FAM78B: variants seen among roughly 807,000 people sequenced by gnomAD.
FAM78B encodes protein FAM78B.
FAM78B carries 10 observed loss-of-function variants against 20.0 expected under a neutral mutation model. The observed-to-expected ratio is 0.50, with a 90% CI of 0.31 to 0.85. FAM78B has a LOEUF of 0.85. FAM78B is among the 40% of genes least tolerant of loss of function. The probability of loss-of-function intolerance (pLI) is 0.05; values close to 1 mark genes in which losing one functional copy is unlikely to be tolerated. For synonymous variants in FAM78B, 135 were observed against 132.8 expected (o/e 1.02, Z -0.12); for missense variants, 283 against 345.0 (o/e 0.82, Z 1.42).
intron 2 of FAM78B, among the ~76,000 whole-genome samples, chr1:166,061,265 A>T (rs1241575855): frequency 1.3e-5 from 2 of 152,258 alleles, no homozygotes; most frequent in Non-Finnish European, 2.9e-5. Flanking sequence ...AAAATTAGAA[A>T]AAAGCAGTCT....
intron 1 of FAM78B, among the ~76,000 whole-genome samples, chr1:166,116,502 G>T (rs1180389460): frequency 6.6e-6 from 1 of 152,142 alleles, no homozygotes; most frequent in African/African-American, 2.4e-5. Flanking sequence ...GGTACTTTGG[G>T]GGAGTAAATT....
At chr1:166,140,526 C>T (rs1275070376) in intron 1 of FAM78B, among the ~76,000 whole-genome samples, 3 of 152,160 alleles carry the variant, frequency 2.0e-5, no homozygotes, top group South Asian at 2.1e-4. Flanking sequence ...GCCAGAGCAG[C>T]GAGAAAGGCA....
chr1:166,070,046 G>A lies in FAM78B; in HGVS notation c.*195C>T. ...AAATCAGTGATTTCTTTATTCCTAA[G>A]AGGAAGGGATTTTTCCTAAGGATTA... On this transcript the variant is annotated 3_prime_UTR_variant, in exon 2 of 2. Coordinates refer to ENST00000354422, the MANE Select transcript of FAM78B (RefSeq NM_001017961.5). The A allele has an allele frequency of 7.9e-7, 1 of 1,260,254 alleles. No homozygotes were observed. Among genetic ancestry groups the A allele is most frequent in the Non-Finnish European group, 1.0e-6 (1 of 999,386 alleles). The allele number at this position is 1,260,254 out of a possible 1,614,324, so 78.1% of individuals were successfully genotyped here. A position where few individuals can be genotyped will look rare whatever the true frequency, so the allele number is the denominator to read the frequency against.
intron 1 of FAM78B, among the ~76,000 whole-genome samples, chr1:166,109,709 C>T (rs972304221): frequency 1.3e-5 from 2 of 148,808 alleles, no homozygotes; most frequent in African/African-American, 4.9e-5. Flanking sequence ...TACTTGGACA[C>T]GCATGTTTAT....
chr1:166,130,791 C>T (rs979265665), intron 1 of FAM78B, among the ~76,000 whole-genome samples: 20 of 152,128 alleles, frequency 1.3e-4, no homozygotes, highest in East Asian at 5.8e-4. Context: ...GCCTAAGCCC[C>T]GGTTCCCTGA....
chr1:166,095,609 A>T (rs1030146360), intron 1 of FAM78B, among the ~76,000 whole-genome samples: 1 of 152,142 alleles, frequency 6.6e-6, no homozygotes, highest in Non-Finnish European at 1.5e-5. Context: ...CCTCTGCCCC[A>T]GTCATTGTGA....
At chr1:166,113,030 A>G (rs1484997665) in intron 1 of FAM78B, among the ~76,000 whole-genome samples, 1 of 152,280 alleles carries the variant, frequency 6.6e-6, no homozygotes, top group East Asian at 1.9e-4. Flanking sequence ...TAAAAAAATA[A>G]AAATACAGAA....
rs116304502 is a variant in FAM78B, at chr1:166,064,161, C to A, written c.*410-3498G>T. 9.4e-3 allele frequency among the ~76,000 whole-genome samples: 1,428 copies of A among 152,238 alleles called. 26 individuals are homozygous for A. Among genetic ancestry groups the A allele is most frequent in the African/African-American group, 0.033 (1,372 of 41,538 alleles). ...TCGGGCAGGTGCAGAGAGAAGCCATCATCATATATGCCTCCAGTGTGGTGA... is the reference window on the plus strand; with the variant it reads ...TCGGGCAGGTGCAGAGAGAAGCCATAATCATATATGCCTCCAGTGTGGTGA... On this transcript the variant is annotated intron_variant and NMD_transcript_variant, in intron 2 of 2. Coordinates refer to the FAM78B transcript ENST00000435676.
chr1:166,144,654 A>G (rs961427445), intron 1 of FAM78B, among the ~76,000 whole-genome samples: 1 of 152,122 alleles, frequency 6.6e-6, no homozygotes. Flanking sequence ...AGCTCTTGAC[A>G]GACAGGGAGT....
At chr1:166,122,184 G>A (rs1440983255) in intron 1 of FAM78B, among the ~76,000 whole-genome samples, 1 of 152,140 alleles carries the variant, frequency 6.6e-6, no homozygotes, top group East Asian at 1.9e-4. Context: ...CATCCCTAGG[G>A]GAGGAGATAA....
At chr1:166,142,126 G>A (rs767325386) in intron 1 of FAM78B, among the ~76,000 whole-genome samples, 3 of 152,178 alleles carry the variant, frequency 2.0e-5, no homozygotes, top group Non-Finnish European at 2.9e-5. Context: ...CTGCATGGAA[G>A]GGACAGCTGC....
At chr1:166,150,561 G>A (rs1571206692) in intron 1 of FAM78B, among the ~76,000 whole-genome samples, 1 of 152,092 alleles carries the variant, frequency 6.6e-6, no homozygotes, top group Non-Finnish European at 1.5e-5. Flanking sequence ...CAACTCAAGA[G>A]GTAAGCAGCC....
intron 2 of FAM78B, among the ~76,000 whole-genome samples, chr1:166,063,768 G>GT (rs1651698941): frequency 6.6e-6 from 1 of 152,192 alleles, no homozygotes; most frequent in Non-Finnish European, 1.5e-5. Flanking sequence ...GTGGCACTGG[G>GT]TTGTGCTCTG....
intron 1 of FAM78B, among the ~76,000 whole-genome samples, chr1:166,080,971 G>C (rs1652545154): frequency 1.3e-5 from 2 of 152,218 alleles, no homozygotes; most frequent in South Asian, 2.1e-4. Flanking sequence ...CTCTGGCAGA[G>C]GTCCTGATTC....
chr1:166,119,886 G>C (rs77490129), intron 1 of FAM78B, among the ~76,000 whole-genome samples: 2 of 152,170 alleles, frequency 1.3e-5, no homozygotes, highest in Non-Finnish European at 2.9e-5. Flanking sequence ...ACACACGCCT[G>C]AATTTCAAGG....
chr1:166,148,812 G>A (rs1458432979), intron 1 of FAM78B, among the ~76,000 whole-genome samples: 1 of 152,244 alleles, frequency 6.6e-6, no homozygotes, highest in African/African-American at 2.4e-5. Context: ...CCACCACAGA[G>A]TGGGTTCCTC....
At chr1:166,102,691 C>G (rs919242274) in intron 1 of FAM78B, among the ~76,000 whole-genome samples, 2 of 152,134 alleles carry the variant, frequency 1.3e-5, no homozygotes, top group Non-Finnish European at 2.9e-5. Context: ...AATACAGGAG[C>G]ACCCAGATTC....
At chr1:166,075,752 C>A (rs1652245010) in intron 1 of FAM78B, among the ~76,000 whole-genome samples, 1 of 152,166 alleles carries the variant, frequency 6.6e-6, no homozygotes, top group South Asian at 2.1e-4. Flanking sequence ...TGGTCTTCTT[C>A]TCTTTTCTAT....
At chr1:166,132,412 A>C (rs147838878) in intron 1 of FAM78B, among the ~76,000 whole-genome samples, 1 of 152,258 alleles carries the variant, frequency 6.6e-6, no homozygotes, top group African/African-American at 2.4e-5. Context: ...CAGTTTCCTT[A>C]TCTGCAAAAT....
Sources: gnomAD v4.1 joint callset for allele counts (sites outside exome capture counted in the v4.1 genomes callset) on GRCh38, gnomAD v4.1.1 for gene constraint, MANE v1.5 for transcripts, NCBI Gene and HGNC (gene_info 2026-07-23, HGNC 2026-07-21) for gene names.